The following HECTD4 variants were observed in gnomAD, a reference collection of about 807,000 sequenced individuals.
HECTD4 encodes probable E3 ubiquitin-protein ligase HECTD4.
Under a neutral mutation model 471.5 loss-of-function variants are expected in HECTD4, and 114 were observed. The observed-to-expected ratio is 0.24, with a 90% CI of 0.21 to 0.28. HECTD4 has a LOEUF of 0.28. Among genes scored for constraint, HECTD4 ranks in the 10% least tolerant of loss-of-function variants. HECTD4 has a pLI of 1.00. For missense variants in HECTD4, 3,866 were observed against 5,651.5 expected, an observed-to-expected ratio of 0.68 and a Z score of 10.13; for synonymous variants, 2,012 against 2,256.0, an observed-to-expected ratio of 0.89 and a Z score of 3.07.
intron 1 of HECTD4, among the ~76,000 whole-genome samples, chr12:112,355,159 T>C (rs535281020): frequency 6.6e-6 from 1 of 151,728 alleles, no homozygotes; most frequent in Non-Finnish European, 1.5e-5. Context: ...TTTGTGTTTT[T>C]TAGTAGAGAC....
At chr12:112,294,945 TTTAA>T (rs199938356) in intron 7 of HECTD4, among the ~76,000 whole-genome samples, 5 of 152,074 alleles carry the variant, frequency 3.3e-5, no homozygotes, top group East Asian at 1.9e-4. Flanking sequence ...TCTTGTGATG[TTTAA>T]TTAATTAATT....
chr12:112,265,149 C>T (rs777697529), intron 16 of HECTD4, 26 bp downstream of exon 16: 1 of 1,572,184 alleles, frequency 6.4e-7, no homozygotes, highest in Non-Finnish European at 8.6e-7. Context: ...TATAATTTTG[C>T]TTTCATTAAA....
intron 53 of HECTD4, 116 bp downstream of exon 53, chr12:112,204,370 G>T: frequency 9.8e-7 from 1 of 1,022,410 alleles, no homozygotes; most frequent in Admixed American, 2.1e-5. Context: ...GGTTAGCCCA[G>T]TCGGAGTAAG....
chr12:112,175,876 A>C lies in HECTD4; in HGVS notation c.11471-17T>G. On this transcript the variant is annotated splice_polypyrimidine_tract_variant and intron_variant, in intron 65 of 75. Transcript: ENST00000682272. Reference sequence around the variant, plus strand: ...CCTCAGGGACTGGTGGAAAGGGTTCAGTGTGAGGAATCTGGTGAGACCTGC... The same window carrying C: ...CCTCAGGGACTGGTGGAAAGGGTTCCGTGTGAGGAATCTGGTGAGACCTGC... 2.5e-6 allele frequency: 4 copies of C among 1,612,498 alleles called. No homozygotes were observed. Among genetic ancestry groups the C allele is most frequent in the Non-Finnish European group, 2.5e-6 (3 of 1,179,494 alleles).
chr12:112,302,938 G>A (rs970137677), intron 7 of HECTD4, among the ~76,000 whole-genome samples: 37 of 144,256 alleles, frequency 2.6e-4, no homozygotes, highest in African/African-American at 9.2e-4. Flanking sequence ...CCTCTCCAAA[G>A]TTTGGAATTT....
intron 62 of HECTD4, among the ~76,000 whole-genome samples, chr12:112,181,167 CA>C (rs201448504): frequency 6.3e-4 from 81 of 127,656 alleles, no homozygotes; most frequent in Non-Finnish European, 5.6e-4. Context: ...GACTCCATCT[CA>C]AAAAAAAAAA....
rs917771509 is a variant in HECTD4 at position 112,203,404 on chromosome 12, G to C, written c.8406+232C>G. The C allele has an allele frequency of 1.5e-4, 62 of 414,418 alleles. No homozygotes were observed. The Admixed American group carries it at 1.9e-3, about 13-fold the overall frequency. The allele number at this position is 414,418 out of a possible 1,614,324, so 25.7% of individuals were successfully genotyped here. On this transcript the variant is annotated intron_variant, in intron 54 of 75. Transcript: ENST00000682272. ...GGTAGAGGTGGTGTGGTCTGAAGGC[G>C]GCCACAGCTTTGAGACTGGAGAGCC...
chr12:112,192,600 G>A lies in HECTD4; in HGVS notation c.9252C>T (p.Pro3084=), dbSNP rs1482220023. The A allele has an allele frequency of 1.2e-6, 2 of 1,606,848 alleles. No individual in the cohort carries two copies. The highest frequency in any genetic ancestry group is 4.5e-5 in the East Asian group (2 of 44,804). The change falls in exon 59 of 76, where the codon CCC becomes CCT. Residue 3084 remains proline (P), a synonymous_variant. Transcript: ENST00000682272. ...CCCTGTCTGTGGAGAGGACCACAGA[G>A]GGGTACTGGTCAGCGGTGGGGGGAG... ...LAPPPTADQY[P]SVVLSTDRVH...
intron 1 of HECTD4, among the ~76,000 whole-genome samples, chr12:112,362,393 T>C (rs1396572173): frequency 1.3e-5 from 2 of 152,186 alleles, no homozygotes; most frequent in African/African-American, 2.4e-5. Context: ...TATTGCCTTA[T>C]GGAAGTCAAT....
At chr12:112,191,073 C>T in intron 59 of HECTD4, 108 bp from the exon 60 acceptor site, 3 of 850,000 alleles carry the variant, frequency 3.5e-6, no homozygotes, top group Non-Finnish European at 5.4e-6. Flanking sequence ...CTGGAGAGCC[C>T]ACCCACTCAT....
intron 11 of HECTD4, 65 bp from the exon 12 acceptor site, chr12:112,270,524 C>G: frequency 7.5e-7 from 1 of 1,328,602 alleles, no homozygotes; most frequent in South Asian, 1.2e-5. Flanking sequence ...AAAGAATAGA[C>G]CTTTGACTTA....
rs1273254071 is a variant in HECTD4 at position 112,230,820 on chromosome 12, G to A, written c.6203C>T (p.Thr2068Ile). 6.2e-7 allele frequency: 1 copy of A among 1,608,440 alleles called. No individual in the cohort carries two copies. Among genetic ancestry groups the A allele is most frequent in the Middle Eastern group, 1.7e-4 (1 of 6,050 alleles). ...CRERNSELARTDPVRPFISGH... is the reference protein window; with the variant it reads ...CRERNSELARIDPVRPFISGH... ...ACTGATGAAGGGACGCACAGGATCA[G>A]TCCTGCAAGTGTCAACAGGAAAAAG... Residue 2068 changes from threonine (T) to isoleucine (I), a missense_variant and splice_region_variant, in exon 40 of 76, where the codon ACT becomes ATT. Transcript: ENST00000682272.
Position 112,283,141 on chromosome 12 carries a change from G to A in HECTD4, c.1497C>T (p.Thr499=). The change falls in exon 8 of 76, where the codon ACC becomes ACT. Residue 499 remains threonine, a synonymous_variant. Coordinates refer to ENST00000682272, the MANE Select transcript of HECTD4 (RefSeq NM_001388303.1). ...GATCCTCTTTCAGTGTGTTGGAGATGGTGGAACCAGTCAGGGCAGCAAGCG... is the reference window on the plus strand; with the variant it reads ...GATCCTCTTTCAGTGTGTTGGAGATAGTGGAACCAGTCAGGGCAGCAAGCG... ...SATLAALTGS[T]ISNTLKEDQA... 2 of 1,613,658 alleles carry A rather than the reference G, an allele frequency of 1.2e-6. No individual in the cohort carries two copies. Among genetic ancestry groups the A allele is most frequent in the South Asian group, 1.1e-5 (1 of 91,044 alleles).
At chr12:112,207,281 C>G (rs2032620895) in intron 52 of HECTD4, among the ~76,000 whole-genome samples, 1 of 152,100 alleles carries the variant, frequency 6.6e-6, no homozygotes, top group African/African-American at 2.4e-5. Flanking sequence ...GTAGCTTGGA[C>G]TACAGGCGTG....
At chr12:112,376,024 C>T (rs1400172312) in intron 1 of HECTD4, among the ~76,000 whole-genome samples, 1 of 151,802 alleles carries the variant, frequency 6.6e-6, no homozygotes, top group Non-Finnish European at 1.5e-5. Flanking sequence ...TGCAGTGAAC[C>T]GAGATACAGC....
chr12:112,226,649 T>C lies in HECTD4; in HGVS notation c.6964A>G (p.Ser2322Gly), dbSNP rs2033247967. 2 of 1,607,548 alleles carry C rather than the reference T, an allele frequency of 1.2e-6. No homozygotes were observed. Among genetic ancestry groups the C allele is most frequent in the Admixed American group, 1.7e-5 (1 of 59,914 alleles). Residue 2322 changes from serine (S) to glycine (G), a missense_variant, in exon 44 of 76, where the codon AGT becomes GGT. Ser to Gly is a moderately conservative substitution (Grantham distance 56, BLOSUM62 0). Transcript: ENST00000682272. The stretch of plus-strand genomic sequence containing the variant: ...GGCAAGTTCAGGTACTCACCAGCAC[T>C]ACATTCCTGGGCTACTAGGTTAAGA... ...EVLNLVAQEC[S>G]AGERLAVVEV...
chr12:112,347,768 G>A (rs1309664128), intron 1 of HECTD4, among the ~76,000 whole-genome samples: 1 of 152,204 alleles, frequency 6.6e-6, no homozygotes, highest in Non-Finnish European at 1.5e-5. Flanking sequence ...AGAAGGAGAT[G>A]GGGGCCCCAT....
intron 61 of HECTD4, among the ~76,000 whole-genome samples, chr12:112,183,705 T>C (rs1365670718): frequency 6.6e-6 from 1 of 152,220 alleles, no homozygotes; most frequent in Non-Finnish European, 1.5e-5. Flanking sequence ...AGAAAGGCTC[T>C]GATGCAGGAT....
intron 1 of HECTD4, among the ~76,000 whole-genome samples, chr12:112,326,872 T>C (rs1040426030): frequency 6.6e-6 from 1 of 152,068 alleles, no homozygotes; most frequent in Admixed American, 6.6e-5. Context: ...TATACAAATA[T>C]ATATACAAAT....
Sources: gnomAD v4.1 joint callset for allele counts (sites outside exome capture counted in the v4.1 genomes callset) on GRCh38, gnomAD v4.1.1 for gene constraint, MANE v1.5 for transcripts, NCBI Gene and HGNC (gene_info 2026-07-23, HGNC 2026-07-21) for gene names.